Variants in PSMA5 observed in about 807,000 individuals in gnomAD.
PSMA5 encodes proteasome 20S subunit alpha 5.
In PSMA5, 3 loss-of-function variants were observed where a neutral mutation model predicts 34.5. That is an observed-to-expected ratio of 0.09 (90% CI 0.04 to 0.22). PSMA5 has a LOEUF of 0.22. Among genes scored for constraint, PSMA5 ranks in the 10% least tolerant of loss-of-function variants. PSMA5 has a pLI of 1.00. For missense variants in PSMA5, 120 were observed against 286.1 expected, an observed-to-expected ratio of 0.42 and a Z score of 4.19; for synonymous variants, 88 against 95.8, an observed-to-expected ratio of 0.92 and a Z score of 0.47.
intron 2 of PSMA5, among the ~76,000 whole-genome samples, chr1:109,419,972 CAAAAA>C (rs1159333248): frequency 3.2e-5 from 2 of 62,000 alleles, no homozygotes; most frequent in Admixed American, 1.9e-4. Context: ...GACTCTGTCT[CAAAAA>C]AAAAAAAAAA....
chr1:109,412,388 C>A (rs2303875), intron 4 of PSMA5: 373,459 of 503,544 alleles, frequency 0.74, 139,902 homozygotes, highest in East Asian at 0.97. Flanking sequence ...AAGGACTCTA[C>A]GCAACGACGG....
intron 8 of PSMA5, among the ~76,000 whole-genome samples, chr1:109,404,580 G>GGACT (rs1173390524): frequency 1.3e-5 from 2 of 152,080 alleles, no homozygotes; most frequent in Non-Finnish European, 2.9e-5. Context: ...TCTGAGCCAA[G>GGACT]GACTGCCTTC....
intron 8 of PSMA5, among the ~76,000 whole-genome samples, chr1:109,407,454 T>C (rs1571015990): frequency 6.6e-6 from 1 of 152,142 alleles, no homozygotes; most frequent in African/African-American, 2.4e-5. Flanking sequence ...GCTGGTTCTA[T>C]GGGTGAGACA....
chr1:109,418,311 G>T (rs1240549066), intron 2 of PSMA5, among the ~76,000 whole-genome samples: 2 of 151,936 alleles, frequency 1.3e-5, no homozygotes, highest in Admixed American at 1.3e-4. Context: ...AATCTGACCA[G>T]TTCAAAAGGA....
rs1293715480 is a variant in PSMA5 at position 109,399,742 on chromosome 1, G to A, written c.*2271C>T. The A allele has an allele frequency of 6.6e-6, 1 of 152,146 alleles. No individual in the cohort carries two copies. Among genetic ancestry groups the A allele is most frequent in the Non-Finnish European group, 1.5e-5 (1 of 68,028 alleles). The allele number at this position is 152,146 out of a possible 1,614,324, so 9.4% of individuals were successfully genotyped here. A position where few individuals can be genotyped will look rare whatever the true frequency, so the allele number is the denominator to read the frequency against. On this transcript the variant is annotated 3_prime_UTR_variant, in exon 9 of 9. Transcript: ENST00000271308. Reference sequence around the variant, plus strand: ...CATATGGCACTGAGAAAATGTTTGAGTGAATATATTTATTATTTCACTTTT... The same window carrying A: ...CATATGGCACTGAGAAAATGTTTGAATGAATATATTTATTATTTCACTTTT...
At chr1:109,418,082 G>A in intron 2 of PSMA5, among the ~76,000 whole-genome samples, 1 of 151,998 alleles carries the variant, frequency 6.6e-6, no homozygotes, top group African/African-American at 2.4e-5. Flanking sequence ...AAAAATAACT[G>A]GGTGTGGTGG....
At chr1:109,413,442 A>G (rs900760407) in intron 3 of PSMA5, among the ~76,000 whole-genome samples, 2 of 152,230 alleles carry the variant, frequency 1.3e-5, no homozygotes, top group African/African-American at 4.8e-5. Flanking sequence ...CACTCTTTGT[A>G]GACGATGATA....
intron 6 of PSMA5, among the ~76,000 whole-genome samples, chr1:109,411,613 A>C (rs563966654): frequency 8.5e-5 from 13 of 152,080 alleles, no homozygotes; most frequent in Non-Finnish European, 1.8e-4. Context: ...TTTTTACAAT[A>C]ATCTTTTTTT....
At chr1:109,413,925 C>T (rs184245221) in intron 3 of PSMA5, among the ~76,000 whole-genome samples, 11 of 152,278 alleles carry the variant, frequency 7.2e-5, no homozygotes, top group South Asian at 4.1e-4. Flanking sequence ...AACTGGCCTC[C>T]GTGCCTCCAG....
In PSMA5 at chr1:109,426,363, G is replaced by A. The variant is rs891773114; in HGVS notation, c.-33C>T. 1 of 1,613,532 alleles carries A rather than the reference G, an allele frequency of 6.2e-7. No individual in the cohort carries two copies. Among genetic ancestry groups the A allele is most frequent in the East Asian group, 2.2e-5 (1 of 44,862 alleles). On this transcript the variant is annotated 5_prime_UTR_variant, in exon 1 of 9. Coordinates refer to ENST00000271308, the MANE Select transcript of PSMA5 (RefSeq NM_002790.4). ...GTAGGAGGAGGCAGCGGCTACGCGG[G>A]GATTCTGAGGACCAACACGACTCCA...
At chr1:109,415,593 C>T (rs1654160253) in intron 2 of PSMA5, among the ~76,000 whole-genome samples, 1 of 151,998 alleles carries the variant, frequency 6.6e-6, no homozygotes, top group African/African-American at 2.4e-5. Flanking sequence ...CTTTTTTCTC[C>T]CTTAAATTTT....
intron 8 of PSMA5, among the ~76,000 whole-genome samples, chr1:109,406,055 G>A (rs758430266): frequency 1.2e-4 from 18 of 152,340 alleles, no homozygotes; most frequent in South Asian, 4.1e-4. Context: ...CATCAACCAA[G>A]ATTAGAAATA....
intron 8 of PSMA5, among the ~76,000 whole-genome samples, chr1:109,404,197 G>A (rs1653655881): frequency 1.3e-5 from 2 of 152,142 alleles, no homozygotes; most frequent in African/African-American, 2.4e-5. Context: ...GGTGGCACAC[G>A]CCTGTAGGCC....
Position 109,413,598 on chromosome 1 carries a change from CAG to C in PSMA5, c.224-465_224-464del, listed in dbSNP as rs913080041. ...CCAAACACAAAGCAACTAGTTATAT[CAG>C]AGAGAGTTTGCCTGATGGCCCAAGC... On this transcript the variant is annotated intron_variant, in intron 3 of 8. Transcript: ENST00000271308. Among the ~76,000 whole-genome samples the C allele has an allele frequency of 4.6e-5, 7 of 152,222 alleles. 1 individual carries two copies. Among genetic ancestry groups the C allele is most frequent in the Admixed American group, 3.9e-4 (6 of 15,280 alleles).
At chr1:109,419,954 C>T (rs1654374214) in intron 2 of PSMA5, among the ~76,000 whole-genome samples, 1 of 131,962 alleles carries the variant, frequency 7.6e-6, no homozygotes, top group Middle Eastern at 4.5e-3. Flanking sequence ...GCCTGGGTGA[C>T]AGAGCAAGAC....
rs1654669639 is a variant in PSMA5 at position 109,426,415 on chromosome 1, C to T, written c.-85G>A. 1 of 1,544,068 alleles carries T rather than the reference C, an allele frequency of 6.5e-7. No homozygotes were observed. The highest frequency in any genetic ancestry group is 9.0e-7 in the Non-Finnish European group (1 of 1,116,404). On this transcript the variant is annotated 5_prime_UTR_variant, in exon 1 of 9. Coordinates refer to ENST00000271308, the MANE Select transcript of PSMA5 (RefSeq NM_002790.4). ...CGGCACCCAACTCACCGGCAGCCAACTCACCCACACGGCCGCAGTACTAAG... is the reference window on the plus strand; with the variant it reads ...CGGCACCCAACTCACCGGCAGCCAATTCACCCACACGGCCGCAGTACTAAG...
intron 8 of PSMA5, among the ~76,000 whole-genome samples, chr1:109,403,439 CACAGG>C (rs1450668225): frequency 1.3e-5 from 2 of 151,478 alleles, no homozygotes; most frequent in African/African-American, 4.9e-5. Context: ...GCCTGGACAA[CACAGG>C]GAGACCCCGT....
intron 2 of PSMA5, among the ~76,000 whole-genome samples, chr1:109,416,832 T>C (rs1053533579): frequency 1.1e-4 from 17 of 152,194 alleles, no homozygotes; most frequent in Admixed American, 7.2e-4. Flanking sequence ...AGGTTGGGCA[T>C]GGTGGCTCAT....
In PSMA5 at chr1:109,426,198, G is replaced by T. The variant is rs1015603079; in HGVS notation, c.29+104C>A. The T allele has an allele frequency of 1.4e-5, 21 of 1,485,982 alleles. No individual in the cohort carries two copies. In the African/African-American group the frequency reaches 2.6e-4, roughly 19 times the overall value. 92.0% of individuals were successfully genotyped at this position (1,485,982 alleles called of 1,614,324 possible). ...AACATCCCCAGGTCCGGCCAGTCTC[G>T]GGTTCCTGGGGAGCCCCATGACACG... On this transcript the variant is annotated intron_variant, in intron 1 of 8. Transcript: ENST00000271308.
Sources: allele counts gnomAD v4.1 joint callset (sites outside exome capture counted in the v4.1 genomes callset), GRCh38; gene constraint gnomAD v4.1.1; transcripts MANE v1.5; gene names NCBI Gene and HGNC (gene_info 2026-07-23, HGNC 2026-07-21).